Variants in DNAH5 observed in about 807,000 individuals in gnomAD.
DNAH5 encodes axonemal beta dynein heavy chain 5.
Under a neutral mutation model 518.2 loss-of-function variants are expected in DNAH5, and 372 were observed. The ratio of observed to expected loss-of-function variants is 0.72; its 90% CI spans 0.66 to 0.78. DNAH5 has a LOEUF of 0.78. Ranked by LOEUF, DNAH5 falls within the 30% of genes least tolerant of loss-of-function variation. DNAH5 has a pLI of 0.00. For missense variants in DNAH5, 5,523 were observed against 5,687.0 expected (o/e 0.97, Z 0.93); for synonymous variants, 2,039 against 2,025.9 (o/e 1.01, Z -0.17).
intron 61 of DNAH5, among the ~76,000 whole-genome samples, chr5:13,755,995 C>T (rs1218900883): frequency 2.0e-5 from 3 of 152,170 alleles, no homozygotes; most frequent in Non-Finnish European, 4.4e-5. Flanking sequence ...CGTGAGTTCC[C>T]CCCAGCCTGT....
chr5:13,735,118 T>C lies in DNAH5; in HGVS notation c.11761+13A>G. ...CTGCACCTGTGCGCTATAGTCTCTA[T>C]TCTTATATTGACCTTTAATAAGAGT... On this transcript the variant is annotated intron_variant, in intron 68 of 78. Transcript: ENST00000265104. 1 of 1,612,760 alleles carries C rather than the reference T, an allele frequency of 6.2e-7. No individual in the cohort carries two copies. The highest frequency in any genetic ancestry group is 8.5e-7 in the Non-Finnish European group (1 of 1,178,926).
At chr5:13,752,042 G>A (rs1750304942) in intron 64 of DNAH5, 92 bp downstream of exon 64, 6 of 1,351,194 alleles carry the variant, frequency 4.4e-6, no homozygotes, top group Admixed American at 1.7e-5. Context: ...TCAAATTTAA[G>A]TTGTTGCCTA....
At chr5:13,826,502 T>C (rs1431762522) in intron 38 of DNAH5, among the ~76,000 whole-genome samples, 1 of 152,168 alleles carries the variant, frequency 6.6e-6, no homozygotes, top group Non-Finnish European at 1.5e-5. Context: ...TAATAGTAAG[T>C]GAGTTCTCAT....
chr5:13,862,996 C>A (rs1768706695), intron 28 of DNAH5, among the ~76,000 whole-genome samples: 2 of 152,100 alleles, frequency 1.3e-5, no homozygotes, highest in Non-Finnish European at 2.9e-5. Flanking sequence ...AATTTCCCAG[C>A]AAACTTGCCC....
rs752767295 is a variant in DNAH5 at position 13,814,675 on chromosome 5, G to A, written c.7160C>T (p.Pro2387Leu). 6.2e-7 allele frequency: 1 copy of A among 1,614,090 alleles called. No homozygotes were observed. Reference protein sequence around the residue: ...FEPHNIDNASPATVSRNGMVF... With the variant: ...FEPHNIDNASLATVSRNGMVF... ...CATTCCATTTCTTGAGACGGTGGCA[G>A]GAGAAGCATTGTCAATGTTATGAGG... The change falls in exon 43 of 79, where the codon CCT (proline) becomes CTT (leucine). Residue 2387 changes from proline to leucine, a missense_variant. By Grantham distance (98) the Pro-to-Leu change is moderately conservative. Transcript: ENST00000265104.
chr5:13,917,002 A>C, intron 8 of DNAH5, 141 bp downstream of exon 8: 1 of 698,122 alleles, frequency 1.4e-6, no homozygotes, highest in Admixed American at 2.1e-5. Context: ...ATATACCTAT[A>C]TATATGTAAT....
chr5:13,771,401 C>G (rs2126788221), intron 55 of DNAH5: 3 of 187,508 alleles, frequency 1.6e-5, no homozygotes, highest in Middle Eastern at 2.4e-3. Flanking sequence ...TTAGTCCACC[C>G]TGGCTCTGAC....
rs1451891191 is a variant in DNAH5 at position 13,845,007 on chromosome 5, A to G, written c.5115-14T>C. ...TTCTCCAAGTACCTACAAGGAGAGGAAAAACATAAACCTTTATAACCACAC... is the reference window on the plus strand; with the variant it reads ...TTCTCCAAGTACCTACAAGGAGAGGGAAAACATAAACCTTTATAACCACAC... On this transcript the variant is annotated splice_polypyrimidine_tract_variant and intron_variant, in intron 31 of 78. Transcript: ENST00000265104. 1 of 1,607,786 alleles carries G rather than the reference A, an allele frequency of 6.2e-7. No individual in the cohort carries two copies. Among genetic ancestry groups the G allele is most frequent in the Middle Eastern group, 1.7e-4 (1 of 6,040 alleles).
At chr5:13,732,247 A>G (rs6864925) in intron 68 of DNAH5, among the ~76,000 whole-genome samples, 99,048 of 152,078 alleles carry the variant, frequency 0.65, 33,010 homozygotes, top group African/African-American at 0.8. Flanking sequence ...CAGTTCTGGA[A>G]GATGGGAATT....
chr5:13,747,357 A>G (rs1211321978), intron 65 of DNAH5, among the ~76,000 whole-genome samples: 2 of 152,198 alleles, frequency 1.3e-5, no homozygotes, highest in Non-Finnish European at 2.9e-5. Context: ...ATACGTGTGC[A>G]TGTATCTTTA....
Position 13,842,483 on chromosome 5 carries a change from G to GAAAGAAAGAA in DNAH5, c.5272-580_5272-579insTTCTTTCTTT, listed in dbSNP as rs78049687. Among the ~76,000 whole-genome samples, 202 of 78,364 alleles carry GAAAGAAAGAA rather than the reference G, an allele frequency of 2.6e-3. 27 individuals carry two copies. Among genetic ancestry groups the GAAAGAAAGAA allele is most frequent in the African/African-American group, 9.9e-3 (191 of 19,258 alleles). 51.4% of individuals were successfully genotyped at this position (78,364 alleles called of 152,430 possible). A position where few individuals can be genotyped will look rare whatever the true frequency, so the allele number is the denominator to read the frequency against. ...AGAAAGAAAGAAAGAAAGAAAGAAA[G>GAAAGAAAGAA]AGAAAGAAAAGAAAGAAAGAAAGAA... On this transcript the variant is annotated intron_variant, in intron 32 of 78. Transcript: ENST00000265104.
chr5:13,944,265 T>C, intron 1 of DNAH5, 117 bp downstream of exon 1: 1 of 986,250 alleles, frequency 1.0e-6, no homozygotes, highest in Non-Finnish European at 1.6e-6. Flanking sequence ...AAAATGTGTT[T>C]CTCGCAAATT....
intron 30 of DNAH5, 88 bp from the exon 31 acceptor site, chr5:13,850,903 A>G: frequency 2.2e-6 from 3 of 1,391,016 alleles, no homozygotes; most frequent in African/African-American, 1.4e-5. Context: ...AGCTGAGGCT[A>G]GAGCTTTAAC....
At chr5:13,921,140 C>G (rs1349629329) in intron 5 of DNAH5, among the ~76,000 whole-genome samples, 2 of 152,014 alleles carry the variant, frequency 1.3e-5, no homozygotes, top group African/African-American at 4.8e-5. Context: ...TTGGTCCAAC[C>G]TGCAATTTGG....
At chr5:13,802,807 G>A (rs1184691191) in intron 47 of DNAH5, among the ~76,000 whole-genome samples, 4 of 152,136 alleles carry the variant, frequency 2.6e-5, no homozygotes, top group Non-Finnish European at 2.9e-5. Context: ...CAGGAAAAAC[G>A]AACTAAACTA....
At chr5:13,973,925 G>A (rs915560225) in intron 1 of DNAH5, among the ~76,000 whole-genome samples, 6 of 151,970 alleles carry the variant, frequency 3.9e-5, no homozygotes, top group East Asian at 1.9e-4. Flanking sequence ...TCCGACTGAC[G>A]TCACTCTTCT....
intron 1 of DNAH5, among the ~76,000 whole-genome samples, chr5:13,980,069 A>C (rs1782567773): frequency 6.6e-6 from 1 of 151,732 alleles, no homozygotes; most frequent in African/African-American, 2.4e-5. Context: ...TGATCTCTTG[A>C]CCTTGTGATC....
chr5:13,915,855 T>C (rs1227264638), intron 9 of DNAH5, among the ~76,000 whole-genome samples: 2 of 152,152 alleles, frequency 1.3e-5, no homozygotes, highest in Admixed American at 1.3e-4. Context: ...GTTATGTTTT[T>C]TGGCAGAATC....
intron 1 of DNAH5, among the ~76,000 whole-genome samples, chr5:13,982,069 A>T (rs1410498547): frequency 3.3e-5 from 5 of 152,282 alleles, no homozygotes; most frequent in African/African-American, 4.8e-5. Flanking sequence ...GAAAAAGGTC[A>T]AAATACTTCC....
Sources: gnomAD v4.1 joint callset for allele counts (sites outside exome capture counted in the v4.1 genomes callset) on GRCh38, gnomAD v4.1.1 for gene constraint, MANE v1.5 for transcripts, NCBI Gene and HGNC (gene_info 2026-07-23, HGNC 2026-07-21) for gene names.